The following TOX2 variants were observed in gnomAD, a reference collection of about 807,000 sequenced individuals.
TOX2 encodes granulosa cell HMG box 1.
TOX2 carries 15 observed loss-of-function variants against 47.4 expected under a neutral mutation model. That is an observed-to-expected ratio of 0.32 (90% CI 0.21 to 0.49). TOX2 has a LOEUF of 0.49. TOX2 is among the 20% of genes least tolerant of loss of function. TOX2 has a pLI of 0.99. For missense variants in TOX2, 622 were observed against 673.1 expected (o/e 0.92, Z 0.84); for synonymous variants, 290 against 296.6 (o/e 0.98, Z 0.23).
At chr20:44,037,688 CATTATT>C (rs2071262574) in intron 3 of TOX2, among the ~76,000 whole-genome samples, 1 of 151,972 alleles carries the variant, frequency 6.6e-6, no homozygotes, top group Non-Finnish European at 1.5e-5. Context: ...ATATTATTAT[CATTATT>C]ATTATTGCTA....
intron 3 of TOX2, 50 bp downstream of exon 3, chr20:44,006,842 G>T (rs771917004): frequency 1.3e-6 from 2 of 1,579,104 alleles, no homozygotes; most frequent in Admixed American, 3.5e-5. Context: ...GCAGGGAGGG[G>T]GTTGAGAGGG....
At chr20:43,975,719 T>C (rs1415565437) in intron 2 of TOX2, among the ~76,000 whole-genome samples, 1 of 152,168 alleles carries the variant, frequency 6.6e-6, no homozygotes. Flanking sequence ...AAATTCATAA[T>C]TTTTGTCACA....
chr20:43,996,856 G>C (rs1405164543), intron 2 of TOX2, among the ~76,000 whole-genome samples: 1 of 152,096 alleles, frequency 6.6e-6, no homozygotes, highest in Non-Finnish European at 1.5e-5. Flanking sequence ...TCTTTCTGCA[G>C]ATCAACAATG....
At chr20:44,035,038 A>T (rs1347016481) in intron 3 of TOX2, among the ~76,000 whole-genome samples, 1 of 152,126 alleles carries the variant, frequency 6.6e-6, no homozygotes, top group Non-Finnish European at 1.5e-5. Flanking sequence ...CATTCCACTC[A>T]ATCACCTGTC....
At chr20:44,009,160 C>A (rs942411074) in intron 3 of TOX2, among the ~76,000 whole-genome samples, 1 of 152,112 alleles carries the variant, frequency 6.6e-6, no homozygotes, top group Non-Finnish European at 1.5e-5. Flanking sequence ...TCTAGCAGAC[C>A]CCTGGGACCT....
At position 44,066,036 on chromosome 20, in the gene TOX2, C is replaced by T. The variant is rs1339428186; in HGVS notation, c.1285C>T (p.Pro429Ser). ...PPVSMSPAPQ[P>S]PVLPTPMALQ... Reference sequence around the variant, plus strand: ...TGTTAGCATGTCCCCAGCCCCCCAGCCCCCTGTCCTGCCCACCCCCATGGC... The same window carrying T: ...TGTTAGCATGTCCCCAGCCCCCCAGTCCCCTGTCCTGCCCACCCCCATGGC... The change falls in exon 7 of 9, where the codon CCC (proline) becomes TCC (serine). Residue 429 changes from proline (P) to serine (S), a missense_variant. Around this residue, in one of 3 missense-constraint regions of TOX2, gnomAD observed 294 missense variants for 300.0 expected, o/e 0.98. Transcript: ENST00000341197. 1.9e-6 allele frequency: 3 copies of T among 1,599,436 alleles called. No individual in the cohort carries two copies. Among genetic ancestry groups the T allele is most frequent in the South Asian group, 1.1e-5 (1 of 88,820 alleles).
intron 1 of TOX2, among the ~76,000 whole-genome samples, chr20:43,920,333 T>G (rs1227287830): frequency 6.6e-6 from 1 of 152,082 alleles, no homozygotes; most frequent in Non-Finnish European, 1.5e-5. Flanking sequence ...ATTCATGAAG[T>G]GGGGTTAAAC....
At chr20:43,976,137 T>A (rs756381307) in intron 2 of TOX2, among the ~76,000 whole-genome samples, 23 of 152,382 alleles carry the variant, frequency 1.5e-4, no homozygotes, top group Admixed American at 7.2e-4. Flanking sequence ...GTGTATCCGT[T>A]AGTTTTTCCT....
At chr20:43,931,916 C>T (rs903124743) in intron 1 of TOX2, among the ~76,000 whole-genome samples, 2 of 152,184 alleles carry the variant, frequency 1.3e-5, no homozygotes, top group Non-Finnish European at 2.9e-5. Flanking sequence ...GTATTTTAGC[C>T]CCTATTGGGC....
At chr20:43,950,049 G>A (rs1381745947) in intron 1 of TOX2, among the ~76,000 whole-genome samples, 6 of 151,984 alleles carry the variant, frequency 3.9e-5, no homozygotes, top group African/African-American at 7.3e-5. Context: ...GGAGGGTCAC[G>A]AGGATTGACG....
At chr20:44,038,476 G>A (rs2071275460) in intron 3 of TOX2, among the ~76,000 whole-genome samples, 1 of 152,168 alleles carries the variant, frequency 6.6e-6, no homozygotes, top group Non-Finnish European at 1.5e-5. Context: ...GCCATCAGAA[G>A]ATTGATTCTA....
At chr20:43,945,646 G>A (rs567830152) in intron 1 of TOX2, 236 of 419,546 alleles carry the variant, frequency 5.6e-4, no homozygotes, top group Non-Finnish European at 8.7e-4. Context: ...ACGTGGAGCC[G>A]CGCTGTACTT....
chr20:44,043,396 T>A (rs1340452937), intron 3 of TOX2, among the ~76,000 whole-genome samples: 1 of 152,210 alleles, frequency 6.6e-6, no homozygotes, highest in Non-Finnish European at 1.5e-5. Flanking sequence ...CAGAAAGAAA[T>A]AACCACTATT....
intron 3 of TOX2, among the ~76,000 whole-genome samples, chr20:44,022,043 C>T (rs896706066): frequency 3.9e-5 from 6 of 152,302 alleles, no homozygotes; most frequent in African/African-American, 1.2e-4. Context: ...TAGCACGTGG[C>T]GGAAGGCCCG....
intron 3 of TOX2, among the ~76,000 whole-genome samples, chr20:44,007,794 G>A (rs1027712027): frequency 2.6e-5 from 4 of 152,060 alleles, no homozygotes; most frequent in African/African-American, 4.8e-5. Context: ...GACAGAGTGA[G>A]ACCCTTTCTC....
intron 3 of TOX2, among the ~76,000 whole-genome samples, chr20:44,009,842 G>A (rs1159070209): frequency 6.6e-6 from 1 of 152,196 alleles, no homozygotes; most frequent in African/African-American, 2.4e-5. Context: ...TGGTGCAGGG[G>A]TGAGCATGGC....
At chr20:43,997,531 A>C (rs1402766289) in intron 2 of TOX2, among the ~76,000 whole-genome samples, 2 of 152,196 alleles carry the variant, frequency 1.3e-5, no homozygotes, top group Non-Finnish European at 2.9e-5. Flanking sequence ...TATATTTTTC[A>C]TTCCCTTTTG....
At chr20:44,035,752 T>C (rs1199595586) in intron 3 of TOX2, among the ~76,000 whole-genome samples, 3 of 152,134 alleles carry the variant, frequency 2.0e-5, no homozygotes, top group Non-Finnish European at 2.9e-5. Flanking sequence ...TGGGGTAATA[T>C]GGGCCAGCCA....
chr20:44,068,560 G>A, intron 8 of TOX2, 90 bp from the exon 9 acceptor site: 1 of 1,432,712 alleles, frequency 7.0e-7, no homozygotes, highest in Non-Finnish European at 9.5e-7. Flanking sequence ...ATCCAGGGGT[G>A]GGGGTGGGGC....
Sources: gnomAD v4.1 joint callset for allele counts (sites outside exome capture counted in the v4.1 genomes callset) on GRCh38, gnomAD v4.1.1 for gene constraint, gnomAD v4.1.1 regional missense constraint, MANE v1.5 for transcripts, NCBI Gene and HGNC (gene_info 2026-07-23, HGNC 2026-07-21) for gene names.